Variants in PHLPP1 observed in about 807,000 individuals in gnomAD.
PHLPP1 encodes PH domain and leucine rich repeat protein phosphatase 1.
In PHLPP1, 42 loss-of-function variants were observed where a neutral mutation model predicts 117.2. The observed-to-expected ratio is 0.36, with a 90% CI of 0.28 to 0.46. The LOEUF is 0.46. Ranked by LOEUF, PHLPP1 falls within the 20% of genes least tolerant of loss-of-function variation. The probability of loss-of-function intolerance (pLI) is 1.00; values close to 1 mark genes in which losing one functional copy is unlikely to be tolerated. For synonymous variants in PHLPP1, 1,042 were observed against 970.7 expected (o/e 1.07, Z -1.37); for missense variants, 2,084 against 2,241.9 (o/e 0.93, Z 1.42).
At chr18:62,873,767 T>C (rs749772213) in intron 4 of PHLPP1, among the ~76,000 whole-genome samples, 1 of 152,224 alleles carries the variant, frequency 6.6e-6, no homozygotes, top group African/African-American at 2.4e-5. Context: ...TTAATTGATA[T>C]AAACAAGAGT....
intron 10 of PHLPP1, among the ~76,000 whole-genome samples, chr18:62,933,357 G>A (rs1909874789): frequency 1.3e-5 from 2 of 151,946 alleles, no homozygotes. Flanking sequence ...TGACTTCAAG[G>A]TAATATACTG....
intron 14 of PHLPP1, among the ~76,000 whole-genome samples, chr18:62,968,607 G>A (rs918694937): frequency 7.4e-6 from 1 of 134,314 alleles, no homozygotes; most frequent in Non-Finnish European, 1.5e-5. Flanking sequence ...GCACAATCTC[G>A]GTTCACTGCA....
intron 1 of PHLPP1, among the ~76,000 whole-genome samples, chr18:62,825,140 G>T (rs1599067483): frequency 6.6e-6 from 1 of 151,870 alleles, no homozygotes; most frequent in African/African-American, 2.4e-5. Context: ...TGTATTTTTA[G>T]TAGAGACGGG....
intron 10 of PHLPP1, among the ~76,000 whole-genome samples, chr18:62,940,787 G>T (rs1910111320): frequency 6.6e-6 from 1 of 152,196 alleles, no homozygotes; most frequent in Non-Finnish European, 1.5e-5. Context: ...GATCATAAGT[G>T]TAGCCCTTGA....
chr18:62,731,213 A>C (rs1259745617), intron 1 of PHLPP1: 5 of 151,506 alleles, frequency 3.3e-5, no homozygotes, highest in Non-Finnish European at 7.4e-5. Context: ...TTCATTGTTT[A>C]TAATTTTTTA....
intron 6 of PHLPP1, among the ~76,000 whole-genome samples, chr18:62,902,518 C>T (rs746722018): frequency 5.3e-5 from 8 of 152,202 alleles, no homozygotes; most frequent in African/African-American, 9.7e-5. Context: ...CATGCATCCT[C>T]TCTCCTTCAT....
chr18:62,940,289 A>G (rs1408019344), intron 10 of PHLPP1, among the ~76,000 whole-genome samples: 2 of 128,652 alleles, frequency 1.6e-5, no homozygotes, highest in East Asian at 4.4e-4. Context: ...TTTTTGGGCA[A>G]TTTTACTTAT....
chr18:62,808,470 C>T (rs1482705513), intron 1 of PHLPP1, among the ~76,000 whole-genome samples: 1 of 152,046 alleles, frequency 6.6e-6, no homozygotes, highest in Admixed American at 6.5e-5. Context: ...ATTATATGCA[C>T]ATGGATACTT....
intron 2 of PHLPP1, chr18:62,832,448 A>G (rs898836101): frequency 2.6e-5 from 4 of 152,248 alleles, no homozygotes; most frequent in African/African-American, 9.6e-5. Context: ...CAGAGGCAGG[A>G]AAGCACATGG....
At chr18:62,732,118 C>T (rs768527622) in intron 1 of PHLPP1, among the ~76,000 whole-genome samples, 27 of 152,224 alleles carry the variant, frequency 1.8e-4, no homozygotes, top group Non-Finnish European at 3.7e-4. Flanking sequence ...AAGGCAGCTA[C>T]ACCAAGTGAC....
At chr18:62,787,422 C>A (rs1468811843) in intron 1 of PHLPP1, among the ~76,000 whole-genome samples, 1 of 152,172 alleles carries the variant, frequency 6.6e-6, no homozygotes, top group Non-Finnish European at 1.5e-5. Context: ...CCCACCTCGG[C>A]CTCCCAAAGT....
intron 1 of PHLPP1, among the ~76,000 whole-genome samples, chr18:62,757,407 G>T (rs1310112777): frequency 6.6e-6 from 1 of 152,186 alleles, no homozygotes; most frequent in Non-Finnish European, 1.5e-5. Context: ...TTCAAATAAG[G>T]CTTGGAGTTT....
In PHLPP1 at chr18:62,716,635, C is replaced by T; in HGVS notation, c.952C>T (p.Pro318Ser). 1 of 1,382,160 alleles carries T rather than the reference C, an allele frequency of 7.2e-7. No individual in the cohort carries two copies. The highest frequency in any genetic ancestry group is 9.3e-7 in the Non-Finnish European group (1 of 1,070,550). 85.6% of individuals were successfully genotyped at this position (1,382,160 alleles called of 1,614,324 possible). A position where few individuals can be genotyped will look rare whatever the true frequency, so the allele number is the denominator to read the frequency against. The part of the protein sequence containing the change: ...GPGGWSRRAS[P>S]APSDSSPGEP... ...GGGCGGGTGGTCGCGCCGCGCCAGC[C>T]CAGCGCCCTCGGACTCCAGCCCCGG... The change falls in exon 1 of 17, where the codon CCA (proline) becomes TCA (serine). Residue 318 changes from proline to serine, a missense_variant. Coordinates refer to ENST00000262719, the MANE Select transcript of PHLPP1 (RefSeq NM_194449.4). This position sits in a 1 kb window ranked among gnomAD's most constrained non-coding sequence, Gnocchi z 5.7.
chr18:62,889,268 GA>G (rs2144392501), intron 4 of PHLPP1, among the ~76,000 whole-genome samples: 2 of 152,310 alleles, frequency 1.3e-5, no homozygotes, highest in East Asian at 3.9e-4. Context: ...AATGTAGTGA[GA>G]AGGAGCAAGA....
Position 62,716,838 on chromosome 18 carries a change from G to C in PHLPP1, c.1155G>C (p.Ser385=), listed in dbSNP as rs750057150. ...SSEELEADAA[S]APTGVPGQPR... ...AAGAGCTCGAGGCCGACGCAGCCTC[G>C]GCCCCGACGGGGGTCCCGGGCCAGC... is the stretch of plus-strand genomic sequence containing the variant. Residue 385 remains serine (S), a synonymous_variant, in exon 1 of 17, where the codon TCG becomes TCC. Transcript: ENST00000262719. This position sits in a 1 kb window ranked among gnomAD's most constrained non-coding sequence, Gnocchi z 5.7. 24 of 1,523,712 alleles carry C rather than the reference G, an allele frequency of 1.6e-5. 1 individual carries two copies. The South Asian group carries it at 2.7e-4, about 17-fold the overall frequency. The allele number at this position is 1,523,712 out of a possible 1,614,324, so 94.4% of individuals were successfully genotyped here.
intron 6 of PHLPP1, among the ~76,000 whole-genome samples, chr18:62,901,926 C>T (rs1286556577): frequency 1.3e-5 from 2 of 152,120 alleles, no homozygotes; most frequent in African/African-American, 4.8e-5. Flanking sequence ...TCGCACCCAT[C>T]CTATATTAAT....
At chr18:62,766,440 C>T (rs1912536075) in intron 1 of PHLPP1, among the ~76,000 whole-genome samples, 1 of 151,972 alleles carries the variant, frequency 6.6e-6, no homozygotes. Flanking sequence ...CTGGGCCTGT[C>T]TAGTTTCAGC....
intron 1 of PHLPP1, among the ~76,000 whole-genome samples, chr18:62,761,360 C>T (rs1231839078): frequency 6.6e-6 from 1 of 152,070 alleles, no homozygotes; most frequent in Non-Finnish European, 1.5e-5. Context: ...GGGCCGGGCG[C>T]AGTGGCTCAC....
chr18:62,942,404 G>A (rs1472840536), intron 11 of PHLPP1, among the ~76,000 whole-genome samples: 7 of 151,830 alleles, frequency 4.6e-5, no homozygotes, highest in African/African-American at 1.7e-4. Context: ...AACCTAATAG[G>A]GTATGTGGGA....
Sources: allele counts gnomAD v4.1 joint callset (sites outside exome capture counted in the v4.1 genomes callset), GRCh38; gene constraint gnomAD v4.1.1; non-coding constraint Gnocchi (gnomAD v3.1); transcripts MANE v1.5; gene names NCBI Gene and HGNC (gene_info 2026-07-23, HGNC 2026-07-21).